The following ANKHD1 variants were observed in gnomAD, a reference collection of about 807,000 sequenced individuals.
ANKHD1 encodes the protein ankyrin repeat and KH domain-containing protein 1.
Under a neutral mutation model 230.5 loss-of-function variants are expected in ANKHD1, and 31 were observed. The ratio of observed to expected loss-of-function variants is 0.13; its 90% confidence interval spans 0.10 to 0.18. ANKHD1 has a LOEUF of 0.18. ANKHD1 is among the 10% of genes least tolerant of loss of function. The probability of loss-of-function intolerance (pLI) is 1.00; values close to 1 mark genes in which losing one functional copy is unlikely to be tolerated. For synonymous variants in ANKHD1, 1,074 were observed against 1,117.6 expected, an observed-to-expected ratio of 0.96 and a Z score of 0.78; for missense variants, 2,256 against 3,071.3, an observed-to-expected ratio of 0.73 and a Z score of 6.27.
At chr5:140,456,213 A>T (rs928701802) in intron 7 of ANKHD1, among the ~76,000 whole-genome samples, 2 of 152,254 alleles carry the variant, frequency 1.3e-5, no homozygotes, top group African/African-American at 4.8e-5. Flanking sequence ...ATAAAAGAGG[A>T]TACAAACAAA....
intron 8 of ANKHD1, 89 bp downstream of exon 8, chr5:140,458,951 T>TATATGC (rs1775434204): frequency 5.9e-5 from 1 of 16,980 alleles, no homozygotes; most frequent in African/African-American, 4.0e-4. Context: ...CTAGCATATA[T>TATATGC]ATATATATAT....
chr5:140,518,648 A>G (rs557785376), intron 24 of ANKHD1, among the ~76,000 whole-genome samples: 108 of 151,772 alleles, frequency 7.1e-4, no homozygotes, highest in African/African-American at 2.3e-3. Context: ...GCAAATCAAT[A>G]AAAGTAATCC....
intron 15 of ANKHD1, among the ~76,000 whole-genome samples, chr5:140,497,877 C>CCACACACACACA (rs36224738): frequency 2.4e-4 from 34 of 144,606 alleles, no homozygotes; most frequent in African/African-American, 3.9e-4. Flanking sequence ...CCACACCACA[C>CCACACACACACA]CACACACACA....
Position 140,458,737 on chromosome 5 carries a change from A to C in ANKHD1, c.1355A>C (p.Glu452Ala). 6.2e-7 allele frequency: 1 copy of C among 1,613,470 alleles called. No individual in the cohort carries two copies. The highest frequency in any genetic ancestry group is 8.5e-7 in the Non-Finnish European group (1 of 1,179,836). The change falls in exon 8 of 34, where the codon GAA (glutamate) becomes GCA (alanine). Residue 452 changes from glutamate to alanine, a missense_variant. Glu to Ala is a moderately radical substitution (Grantham distance 107). Coordinates refer to ENST00000360839, the MANE Select transcript of ANKHD1 (RefSeq NM_017747.3). ...CTAGCTGCCTGTGGAGGACATGTTG[A>C]ATTGGCAGCTCTACTTATTGAAAGG... ...LTLAACGGHV[E>A]LAALLIERGA... is the part of the protein sequence containing the mutation.
chr5:140,420,325 A>C (rs1246477219), intron 1 of ANKHD1, among the ~76,000 whole-genome samples: 1 of 151,894 alleles, frequency 6.6e-6, no homozygotes, highest in Non-Finnish European at 1.5e-5. Context: ...GAAGTTTAAA[A>C]ATTTTGATGA....
chr5:140,463,467 C>T (rs1275985331), intron 9 of ANKHD1, among the ~76,000 whole-genome samples: 1 of 152,132 alleles, frequency 6.6e-6, no homozygotes, highest in South Asian at 2.1e-4. Flanking sequence ...TTAGAGACCA[C>T]AATCTAAGCT....
intron 29 of ANKHD1, among the ~76,000 whole-genome samples, chr5:140,530,954 A>G (rs1753785127): frequency 6.6e-6 from 1 of 152,264 alleles, no homozygotes; most frequent in Admixed American, 6.5e-5. Context: ...TCAGGAAAAC[A>G]TAGCTGTTAT....
chr5:140,434,006 A>T lies in ANKHD1; in HGVS notation c.307-2098A>T, dbSNP rs149956923. ...CTTTGTCTGTAGTTACATGTTAAAG[A>T]AGCTGTGTTACAGTATAGCTCAATG... On this transcript the variant is annotated intron_variant, in intron 1 of 33. Coordinates refer to ENST00000360839, the MANE Select transcript of ANKHD1 (RefSeq NM_017747.3). 4.2e-3 allele frequency among the ~76,000 whole-genome samples: 646 copies of T among 152,314 alleles called. 4 individuals are homozygous for T. The highest frequency in any genetic ancestry group is 0.015 in the African/African-American group (627 of 41,566).
intron 1 of ANKHD1, among the ~76,000 whole-genome samples, chr5:140,415,121 C>T (rs1771252752): frequency 1.3e-5 from 2 of 152,012 alleles, no homozygotes. Context: ...TGGTGGTTCA[C>T]ACCTATAATC....
intron 14 of ANKHD1, 71 bp downstream of exon 14, chr5:140,487,131 T>A: frequency 6.8e-7 from 1 of 1,467,310 alleles, no homozygotes; most frequent in Non-Finnish European, 9.2e-7. Flanking sequence ...AAATGTACTT[T>A]AATGATACAG....
At chr5:140,444,906 A>G (rs1370101165) in intron 5 of ANKHD1, among the ~76,000 whole-genome samples, 2 of 152,064 alleles carry the variant, frequency 1.3e-5, no homozygotes, top group Admixed American at 1.3e-4. Flanking sequence ...TTTATAACAT[A>G]TAGTCTTTTG....
At chr5:140,513,088 TA>T (rs1752836937) in intron 23 of ANKHD1, among the ~76,000 whole-genome samples, 165 bp downstream of exon 23, 1 of 152,224 alleles carries the variant, frequency 6.6e-6, no homozygotes, top group Non-Finnish European at 1.5e-5. Flanking sequence ...ATACTTTTGA[TA>T]AACTATTTTG....
intron 14 of ANKHD1, 50 bp from the exon 15 acceptor site, chr5:140,496,470 T>C (rs1427864742): frequency 2.8e-6 from 3 of 1,068,478 alleles, no homozygotes; most frequent in Non-Finnish European, 2.3e-6. Context: ...TCTTTTTTTT[T>C]TTTTTTTTTT....
At chr5:140,508,127 G>T in intron 20 of ANKHD1, 129 bp downstream of exon 20, 1 of 1,268,924 alleles carries the variant, frequency 7.9e-7, no homozygotes, top group Non-Finnish European at 1.1e-6. Flanking sequence ...AGAGTTGAGG[G>T]ATTATGCTGT....
rs193203385 is a variant in ANKHD1 at position 140,527,799 on chromosome 5, A to G, written c.5088-74A>G. The G allele has an allele frequency of 2.0e-6, 3 of 1,473,702 alleles. No homozygotes were observed. The highest frequency in any genetic ancestry group is 2.4e-5 in the East Asian group (1 of 40,932). The allele number at this position is 1,473,702 out of a possible 1,614,324, so 91.3% of individuals were successfully genotyped here. ...GTTATTCTCCAAAATGTCCATGAAC[A>G]TACTTACTAAGACATCTTTCTTAAT... On this transcript the variant is annotated intron_variant, in intron 27 of 33. Transcript: ENST00000360839. This position sits in a 1 kb window ranked among gnomAD's most constrained non-coding sequence, Gnocchi z 4.5.
At chr5:140,535,072 A>G (rs1434275616) in intron 29 of ANKHD1, among the ~76,000 whole-genome samples, 1 of 152,194 alleles carries the variant, frequency 6.6e-6, no homozygotes, top group Non-Finnish European at 1.5e-5. Context: ...TTTGAGATTC[A>G]TCTAGAACAT....
chr5:140,441,496 C>CT (rs368537339), intron 5 of ANKHD1, among the ~76,000 whole-genome samples: 5 of 149,486 alleles, frequency 3.3e-5, no homozygotes, highest in South Asian at 2.1e-4. Context: ...CATGATCTCA[C>CT]TTTTTTTTTT....
chr5:140,402,801 G>A (rs1770074898), intron 1 of ANKHD1, among the ~76,000 whole-genome samples: 1 of 151,880 alleles, frequency 6.6e-6, no homozygotes, highest in African/African-American at 2.4e-5. Flanking sequence ...GGGATCTCTC[G>A]GCTTTTACCC....
intron 10 of ANKHD1, among the ~76,000 whole-genome samples, chr5:140,471,702 T>C (rs991622158): frequency 6.6e-6 from 1 of 152,198 alleles, no homozygotes; most frequent in African/African-American, 2.4e-5. Flanking sequence ...CACCTTTAGA[T>C]AGTTTCTCTC....
Sources: gnomAD v4.1 joint callset for allele counts (sites outside exome capture counted in the v4.1 genomes callset) on GRCh38, gnomAD v4.1.1 for gene constraint, Gnocchi (gnomAD v3.1) non-coding constraint, MANE v1.5 for transcripts, NCBI Gene and HGNC (gene_info 2026-07-23, HGNC 2026-07-21) for gene names.